COL5A2: variants seen among roughly 807,000 people sequenced by gnomAD.
COL5A2 encodes the protein collagen type V alpha 2 chain, also known as collagen alpha-2(V) chain.
A neutral mutation model predicts 208.2 loss-of-function variants in COL5A2; 23 were observed. The ratio of observed to expected loss-of-function variants is 0.11; its 90% confidence interval spans 0.08 to 0.16. The LOEUF is 0.16. COL5A2 is among the 10% of genes least tolerant of loss of function. The pLI is 1.00. For synonymous variants in COL5A2, 625 were observed against 628.5 expected (o/e 0.99, Z 0.08); for missense variants, 1,590 against 1,956.4 (o/e 0.81, Z 3.53).
chr2:189,041,804 A>T, intron 49 of COL5A2, 111 bp from the exon 50 acceptor site: 1 of 694,602 alleles, frequency 1.4e-6, no homozygotes, highest in Non-Finnish European at 2.6e-6. Context: ...GATTTCTAAG[A>T]TTCATTTTCT....
At chr2:189,360,472 T>C in the COL5A2 span, among the ~76,000 whole-genome samples, 1 of 152,192 alleles carries the variant, frequency 6.6e-6, no homozygotes, top group Non-Finnish European at 1.5e-5. Flanking sequence ...TTAATTTCTT[T>C]TTTTATTTCT....
chr2:189,347,416 G>A, the COL5A2 span, among the ~76,000 whole-genome samples: 1 of 152,062 alleles, frequency 6.6e-6, no homozygotes, highest in Non-Finnish European at 1.5e-5. Context: ...AAAGATTTAT[G>A]TTAAAAAAGG....
intron 18 of COL5A2, among the ~76,000 whole-genome samples, chr2:189,070,728 G>C (rs1187322287): frequency 6.6e-6 from 1 of 152,100 alleles, no homozygotes; most frequent in Non-Finnish European, 1.5e-5. Context: ...GGGACGGAGG[G>C]TCTCACAAAA....
In COL5A2 at chr2:189,091,847, C is replaced by T. The variant is rs180769002; in HGVS notation, c.567+463G>A. ...TTTGACTTTACTTCAAGTAAAAAAA[C>T]TAAAATTGAAGAAATAATTAGGTGT... On this transcript the variant is annotated intron_variant, in intron 7 of 53. Transcript: ENST00000374866. Among the ~76,000 whole-genome samples the T allele has an allele frequency of 1.8e-4, 28 of 152,234 alleles. 1 individual carries two copies. Among genetic ancestry groups the T allele is most frequent in the Admixed American group, 1.4e-3 (22 of 15,280 alleles).
At chr2:189,040,944 C>G (rs1036340760) in intron 50 of COL5A2, among the ~76,000 whole-genome samples, 14 of 151,906 alleles carry the variant, frequency 9.2e-5, no homozygotes, top group African/African-American at 3.4e-4. Context: ...CTATGAAGGG[C>G]AAAGGAAAAG....
chr2:189,431,714 C>T, the COL5A2 span, among the ~76,000 whole-genome samples: 4 of 152,120 alleles, frequency 2.6e-5, no homozygotes, highest in South Asian at 4.1e-4. Flanking sequence ...ACCAAATCTA[C>T]GTCTGATTGG....
intron 3 of COL5A2, among the ~76,000 whole-genome samples, chr2:189,102,474 T>C (rs1687065328): frequency 6.6e-6 from 1 of 152,150 alleles, no homozygotes; most frequent in African/African-American, 2.4e-5. Flanking sequence ...ATTGTTTGTA[T>C]TAATATAGGC....
the COL5A2 span, among the ~76,000 whole-genome samples, chr2:189,253,972 C>T: frequency 6.6e-6 from 1 of 152,224 alleles, no homozygotes; most frequent in Admixed American, 6.5e-5. Context: ...CACTCACACA[C>T]TCAGTGACAA....
At chr2:189,213,976 T>C (rs1454936207) in intron 1 of COL5A2, among the ~76,000 whole-genome samples, 1 of 152,206 alleles carries the variant, frequency 6.6e-6, no homozygotes, top group Non-Finnish European at 1.5e-5. Flanking sequence ...CATGTGTGTT[T>C]TTGTATCTGG....
At chr2:189,229,068 T>C (rs771680485), upstream of COL5A2, among the ~76,000 whole-genome samples, 7 of 151,822 alleles carry the variant, frequency 4.6e-5, no homozygotes, top group Non-Finnish European at 4.4e-5. Flanking sequence ...CACAGGATGA[T>C]AGAAAGACAT....
chr2:189,045,265 T>A, intron 46 of COL5A2, 33 bp from the exon 47 acceptor site: 1 of 1,499,468 alleles, frequency 6.7e-7, no homozygotes, highest in Non-Finnish European at 9.2e-7. Context: ...AAAATTGGCA[T>A]GTAAAAAAGA....
At chr2:189,320,135 A>G in the COL5A2 span, among the ~76,000 whole-genome samples, 2 of 152,220 alleles carry the variant, frequency 1.3e-5, no homozygotes, top group Non-Finnish European at 2.9e-5. Flanking sequence ...TAACAAACAG[A>G]AAGGACATCC....
the COL5A2 span, among the ~76,000 whole-genome samples, chr2:189,315,747 ATTATT>A: frequency 6.6e-6 from 1 of 151,748 alleles, no homozygotes; most frequent in Non-Finnish European, 1.5e-5. Flanking sequence ...AAGATACAAA[ATTATT>A]GTGTAAAATT....
chr2:189,211,352 A>G (rs1360500176), intron 1 of COL5A2, among the ~76,000 whole-genome samples: 1 of 152,206 alleles, frequency 6.6e-6, no homozygotes, highest in Non-Finnish European at 1.5e-5. Flanking sequence ...GGTCTCTCCA[A>G]ATATAATCAA....
the COL5A2 span, among the ~76,000 whole-genome samples, chr2:189,283,707 TTG>T: frequency 6.6e-6 from 1 of 152,156 alleles, no homozygotes; most frequent in East Asian, 1.9e-4. Flanking sequence ...GGTTCATTAA[TTG>T]TGACAAATGT....
At chr2:189,310,701 A>C in the COL5A2 span, among the ~76,000 whole-genome samples, 14 of 150,412 alleles carry the variant, frequency 9.3e-5, no homozygotes, top group African/African-American at 3.4e-4. Flanking sequence ...ATGGATAAAG[A>C]AAATGTGGTA....
In COL5A2 at chr2:189,042,786, A is replaced by G; in HGVS notation, c.3472-13T>C. 6.2e-7 allele frequency: 1 copy of G among 1,601,310 alleles called. No homozygotes were observed. Among genetic ancestry groups the G allele is most frequent in the Non-Finnish European group, 8.5e-7 (1 of 1,171,966 alleles). On this transcript the variant is annotated splice_polypyrimidine_tract_variant and intron_variant, in intron 48 of 53. Transcript: ENST00000374866. ...CACCATTTGGACCCTAAGTAGGAAT[A>G]CAATAAAAAATGTTGCCAAAATATT...
intron 1 of COL5A2, among the ~76,000 whole-genome samples, chr2:189,221,671 A>G (rs1689349055): frequency 1.3e-5 from 2 of 152,176 alleles, no homozygotes; most frequent in Admixed American, 6.5e-5. Flanking sequence ...GGATTGAAGA[A>G]GGCACATGGA....
the COL5A2 span, among the ~76,000 whole-genome samples, chr2:189,407,498 T>TTAC: frequency 1.1e-3 from 168 of 152,302 alleles, no homozygotes; most frequent in African/African-American, 3.8e-3. Context: ...GTTTTCTAAG[T>TTAC]TACTACATTA....
Sources: allele counts gnomAD v4.1 joint callset (sites outside exome capture counted in the v4.1 genomes callset), GRCh38; gene constraint gnomAD v4.1.1; transcripts MANE v1.5; gene names NCBI Gene and HGNC (gene_info 2026-07-23, HGNC 2026-07-21).